The following CNTN4 variants were observed in gnomAD, a reference collection of about 807,000 sequenced individuals.
The protein encoded by CNTN4 is contactin 4.
A neutral mutation model predicts 122.5 loss-of-function variants in CNTN4; 77 were observed. That is an observed-to-expected ratio of 0.63 (90% CI 0.52 to 0.76). CNTN4 has a LOEUF of 0.76. Among genes scored for constraint, CNTN4 ranks in the 30% least tolerant of loss-of-function variants. CNTN4 has a pLI of 0.00. For missense variants in CNTN4, 1,256 were observed against 1,259.1 expected, an observed-to-expected ratio of 1.00 and a Z score of 0.04; for synonymous variants, 512 against 447.0, an observed-to-expected ratio of 1.15 and a Z score of -1.83.
chr3:2,328,811 G>T (rs58043313), intron 2 of CNTN4, among the ~76,000 whole-genome samples: 52,304 of 151,874 alleles, frequency 0.34, 9,898 homozygotes, highest in East Asian at 0.8. Flanking sequence ...ATGTAAATAC[G>T]ACATCACTTT....
rs147527318 is a variant in CNTN4, at chr3:2,592,648, C to T, written c.55+21090C>T. Among the ~76,000 whole-genome samples the T allele has an allele frequency of 1.1e-3, 164 of 152,270 alleles. 2 individuals carry two copies. Among genetic ancestry groups the T allele is most frequent in the African/African-American group, 3.4e-3 (143 of 41,548 alleles). On this transcript the variant is annotated intron_variant, in intron 4 of 24. Coordinates refer to ENST00000418658, the MANE Select transcript of CNTN4 (RefSeq NM_175607.3). Reference sequence around the variant, plus strand: ...CAGAACTTTGTGCCTCCTTTCCTTCCGCCATGATTGTGAGGCCTCCCCAGA... The same window carrying T: ...CAGAACTTTGTGCCTCCTTTCCTTCTGCCATGATTGTGAGGCCTCCCCAGA...
intron 2 of CNTN4, among the ~76,000 whole-genome samples, chr3:2,291,418 A>G (rs1237904235): frequency 1.3e-5 from 2 of 152,196 alleles, no homozygotes; most frequent in Non-Finnish European, 2.9e-5. Context: ...AGACTAGCAG[A>G]GTCACCCTAG....
chr3:2,392,940 A>G (rs1205160067), intron 3 of CNTN4, among the ~76,000 whole-genome samples: 1 of 152,050 alleles, frequency 6.6e-6, no homozygotes, highest in Non-Finnish European at 1.5e-5. Context: ...ACTTCCCATT[A>G]TATTAGTTTC....
intron 3 of CNTN4, among the ~76,000 whole-genome samples, chr3:2,473,049 C>T (rs746321088): frequency 6.6e-6 from 1 of 151,782 alleles, no homozygotes; most frequent in Admixed American, 6.6e-5. Flanking sequence ...GCCTGGCCAA[C>T]CTGGTGAAAT....
At chr3:2,778,213 CAAAT>C (rs60613605) in intron 6 of CNTN4, among the ~76,000 whole-genome samples, 2,127 of 118,732 alleles carry the variant, frequency 0.018, 22 homozygotes, top group South Asian at 0.038. Flanking sequence ...GACTCCGTCT[CAAAT>C]AAATAAATAA....
intron 4 of CNTN4, among the ~76,000 whole-genome samples, chr3:2,612,046 A>T (rs4364151): frequency 6.6e-6 from 1 of 151,430 alleles, no homozygotes; most frequent in Non-Finnish European, 1.5e-5. Context: ...AAAATAACAC[A>T]TGCTTTCAAA....
chr3:2,891,604 G>A (rs891757738), intron 10 of CNTN4, among the ~76,000 whole-genome samples: 3 of 152,192 alleles, frequency 2.0e-5, no homozygotes, highest in African/African-American at 7.2e-5. Context: ...AAGGGGAAGT[G>A]CATTGCTGGC....
intron 3 of CNTN4, among the ~76,000 whole-genome samples, chr3:2,397,466 C>T (rs558762742): frequency 2.6e-5 from 4 of 151,004 alleles, no homozygotes; most frequent in African/African-American, 9.7e-5. Flanking sequence ...TTTGTGAGCA[C>T]AAGATTAGTC....
At chr3:2,755,034 T>C (rs908623494) in intron 6 of CNTN4, among the ~76,000 whole-genome samples, 5 of 152,150 alleles carry the variant, frequency 3.3e-5, no homozygotes, top group African/African-American at 1.2e-4. Context: ...TAGAAAACTT[T>C]ATTAAACTGA....
chr3:3,006,163 A>G (rs575096994), intron 14 of CNTN4, among the ~76,000 whole-genome samples: 2 of 152,082 alleles, frequency 1.3e-5, no homozygotes, highest in Non-Finnish European at 2.9e-5. Flanking sequence ...GGCATGAGCC[A>G]CCGCGCCCAG....
chr3:2,466,828 G>C (rs1413210495), intron 3 of CNTN4, among the ~76,000 whole-genome samples: 2 of 152,076 alleles, frequency 1.3e-5, no homozygotes, highest in South Asian at 4.1e-4. Context: ...TTAATAACAG[G>C]AAGTGTTAAC....
chr3:2,440,786 ATATT>A (rs973241475), intron 3 of CNTN4, among the ~76,000 whole-genome samples: 9 of 148,990 alleles, frequency 6.0e-5, no homozygotes, highest in African/African-American at 2.0e-4. Flanking sequence ...TTGTACATAT[ATATT>A]CATACATATA....
chr3:2,663,734 G>A (rs1311007638), intron 4 of CNTN4, among the ~76,000 whole-genome samples: 1 of 152,118 alleles, frequency 6.6e-6, no homozygotes, highest in Non-Finnish European at 1.5e-5. Context: ...AAACAAGGTA[G>A]GAAACAACCC....
intron 7 of CNTN4, among the ~76,000 whole-genome samples, chr3:2,863,805 A>T (rs1451238111): frequency 6.6e-6 from 1 of 152,150 alleles, no homozygotes; most frequent in Non-Finnish European, 1.5e-5. Context: ...GAAAGAAAAA[A>T]GTTGAAACTC....
intron 2 of CNTN4, among the ~76,000 whole-genome samples, chr3:2,249,520 G>C (rs962261686): frequency 2.0e-5 from 3 of 151,878 alleles, no homozygotes; most frequent in Admixed American, 6.6e-5. Context: ...GTTATAGAAT[G>C]GGTAGGGTTT....
At chr3:2,792,936 T>G (rs1282578172) in intron 6 of CNTN4, among the ~76,000 whole-genome samples, 2 of 152,218 alleles carry the variant, frequency 1.3e-5, no homozygotes, top group African/African-American at 4.8e-5. Flanking sequence ...AAAGCAGAGC[T>G]TAGCTTTCAT....
chr3:2,121,421 C>T (rs2033772997), intron 2 of CNTN4, among the ~76,000 whole-genome samples: 1 of 151,058 alleles, frequency 6.6e-6, no homozygotes, highest in African/African-American at 2.4e-5. Context: ...TCGCTTGAAC[C>T]TGGGAGGTGG....
chr3:2,429,524 A>T (rs1016118504), intron 3 of CNTN4, among the ~76,000 whole-genome samples: 1 of 152,068 alleles, frequency 6.6e-6, no homozygotes, highest in Non-Finnish European at 1.5e-5. Flanking sequence ...GGCTACTTGG[A>T]GGTCAGGGAC....
intron 4 of CNTN4, among the ~76,000 whole-genome samples, chr3:2,701,019 T>C (rs1205569162): frequency 6.6e-6 from 1 of 152,226 alleles, no homozygotes; most frequent in African/African-American, 2.4e-5. Flanking sequence ...GATACAATAA[T>C]GCTTCACACC....
Sources: gnomAD v4.1 joint callset for allele counts (sites outside exome capture counted in the v4.1 genomes callset) on GRCh38, gnomAD v4.1.1 for gene constraint, MANE v1.5 for transcripts, NCBI Gene and HGNC (gene_info 2026-07-23, HGNC 2026-07-21) for gene names.